RANBP17: variants seen among roughly 807,000 people sequenced by gnomAD.
The protein encoded by RANBP17 is ran-binding protein 17.
RANBP17 carries 158 observed loss-of-function variants against 141.2 expected under a neutral mutation model. The ratio of observed to expected loss-of-function variants is 1.12; its 90% CI spans 0.98 to 1.28. The LOEUF is 1.28. Ranked by LOEUF, RANBP17 falls within the 50% of genes most tolerant of loss-of-function variation. The pLI, the probability that RANBP17 is intolerant of heterozygous loss-of-function variation, is 0.00. For missense variants in RANBP17, 1,438 were observed against 1,290.7 expected, an observed-to-expected ratio of 1.11 and a Z score of -1.75; for synonymous variants, 430 against 450.0, an observed-to-expected ratio of 0.96 and a Z score of 0.56.
intron 14 of RANBP17, among the ~76,000 whole-genome samples, chr5:171,154,098 GTTTT>G (rs70982325): frequency 2.3e-5 from 3 of 130,264 alleles, no homozygotes; most frequent in Non-Finnish European, 3.2e-5. Flanking sequence ...GTTCACTTTA[GTTTT>G]TTTTTTTTTT....
chr5:171,127,985 C>T (rs531087623), intron 14 of RANBP17, among the ~76,000 whole-genome samples: 28 of 152,168 alleles, frequency 1.8e-4, no homozygotes, highest in Middle Eastern at 3.4e-3. Context: ...GGTGAAACCC[C>T]GTCTCTACTA....
At chr5:171,082,633 G>A (rs1785328192) in intron 14 of RANBP17, among the ~76,000 whole-genome samples, 1 of 152,112 alleles carries the variant, frequency 6.6e-6, no homozygotes, top group Non-Finnish European at 1.5e-5. Flanking sequence ...CACATAAATT[G>A]GAAGGTCACA....
At chr5:171,220,253 C>G (rs1226432701) in intron 21 of RANBP17, among the ~76,000 whole-genome samples, 1 of 151,880 alleles carries the variant, frequency 6.6e-6, no homozygotes, top group Non-Finnish European at 1.5e-5. Context: ...CCTAATCTTT[C>G]CTCTGGGAAG....
chr5:171,290,294 G>A (rs1003728365), intron 25 of RANBP17, among the ~76,000 whole-genome samples: 5 of 151,974 alleles, frequency 3.3e-5, no homozygotes, highest in Non-Finnish European at 5.9e-5. Context: ...ACTTGAACCC[G>A]GGAGGCGGAG....
intron 14 of RANBP17, among the ~76,000 whole-genome samples, chr5:171,159,504 G>A (rs1394977727): frequency 1.3e-5 from 2 of 152,156 alleles, no homozygotes; most frequent in Non-Finnish European, 2.9e-5. Flanking sequence ...ATTTCTGAAA[G>A]GTAGCCCCTT....
chr5:170,998,740 T>C (rs868496500), intron 14 of RANBP17, among the ~76,000 whole-genome samples: 1 of 152,192 alleles, frequency 6.6e-6, no homozygotes, highest in South Asian at 2.1e-4. Context: ...ATGGTTTTAA[T>C]TACAAAATAC....
intron 1 of RANBP17, among the ~76,000 whole-genome samples, chr5:170,872,408 T>G (rs1581017728): frequency 6.6e-6 from 1 of 152,330 alleles, no homozygotes; most frequent in South Asian, 2.1e-4. Flanking sequence ...TAAGGAGTTT[T>G]TGGGCTGAGA....
chr5:170,874,858 G>A (rs751277682), intron 1 of RANBP17, among the ~76,000 whole-genome samples: 61 of 152,078 alleles, frequency 4.0e-4, no homozygotes, highest in Non-Finnish European at 5.4e-4. Context: ...GTGTGAATTT[G>A]ATCCTGTCAT....
chr5:171,069,585 C>G (rs1425904903), intron 14 of RANBP17, among the ~76,000 whole-genome samples: 1 of 152,092 alleles, frequency 6.6e-6, no homozygotes, highest in Non-Finnish European at 1.5e-5. Context: ...ACTTAGTATC[C>G]ACATTCTGTT....
Position 170,909,881 on chromosome 5 carries a change from A to G in RANBP17, c.594+116A>G, listed in dbSNP as rs940960656. The G allele has an allele frequency of 1.4e-5, 9 of 643,758 alleles. No homozygotes were observed. The African/African-American group carries it at 1.5e-4, about 11-fold the overall frequency. 39.9% of individuals were successfully genotyped at this position (643,758 alleles called of 1,614,324 possible). Reference sequence around the variant, plus strand: ...TTTGCCTTTTAAAGAATTATTGTGGACAGACTTAAGTATAGTAAATTTGCA... The same window carrying G: ...TTTGCCTTTTAAAGAATTATTGTGGGCAGACTTAAGTATAGTAAATTTGCA... On this transcript the variant is annotated intron_variant, in intron 6 of 27. Coordinates refer to ENST00000523189, the MANE Select transcript of RANBP17 (RefSeq NM_022897.5).
intron 14 of RANBP17, among the ~76,000 whole-genome samples, chr5:171,063,600 GGGGGTCA>G (rs1368625346): frequency 1.3e-5 from 2 of 152,212 alleles, no homozygotes; most frequent in African/African-American, 2.4e-5. Context: ...TAGGCTGCTC[GGGGGTCA>G]GGGGTCAGGG....
chr5:171,001,472 G>A (rs1779197385), intron 14 of RANBP17, among the ~76,000 whole-genome samples: 1 of 152,126 alleles, frequency 6.6e-6, no homozygotes, highest in Admixed American at 6.5e-5. Context: ...CCAAGTTTTT[G>A]GGGTACACTT....
rs1405036018 is a variant in RANBP17 at position 170,976,980 on chromosome 5, GAA to G, written c.1710+8607_1710+8608del. Reference sequence around the variant, plus strand: ...GACATCAAAAGCTCAAGCAGCTAAAGAAAAAGATACATTGGACTTCATCATTT... The same window carrying G: ...GACATCAAAAGCTCAAGCAGCTAAAGAAAGATACATTGGACTTCATCATTT... On this transcript the variant is annotated intron_variant, in intron 14 of 27. Coordinates refer to ENST00000523189, the MANE Select transcript of RANBP17 (RefSeq NM_022897.5). Among the ~76,000 whole-genome samples, 4 of 152,128 alleles carry G rather than the reference GAA, an allele frequency of 2.6e-5. No individual in the cohort carries two copies. The East Asian group carries it at 7.7e-4, about 29-fold the overall frequency.
At chr5:170,970,777 T>G (rs1249835407) in intron 14 of RANBP17, 1 of 152,164 alleles carries the variant, frequency 6.6e-6, no homozygotes, top group East Asian at 1.9e-4. Flanking sequence ...TAGTATCCCC[T>G]TTTTAACTCT....
chr5:171,136,732 C>A (rs1468661201), intron 14 of RANBP17, among the ~76,000 whole-genome samples: 2 of 152,122 alleles, frequency 1.3e-5, no homozygotes, highest in Non-Finnish European at 2.9e-5. Context: ...TAGCTTAGGT[C>A]TTTTCTAGCT....
chr5:170,928,275 A>G (rs1055458970), intron 12 of RANBP17, among the ~76,000 whole-genome samples: 18 of 151,990 alleles, frequency 1.2e-4, no homozygotes, highest in Admixed American at 1.1e-3. Context: ...TTTTTCACAT[A>G]TATGTTTTAC....
intron 14 of RANBP17, among the ~76,000 whole-genome samples, chr5:170,971,794 G>A (rs1008123425): frequency 3.3e-5 from 5 of 151,874 alleles, no homozygotes; most frequent in Admixed American, 2.6e-4. Flanking sequence ...ATTTCCTATG[G>A]AATTTCAAAA....
chr5:170,972,376 G>A (rs1286379091), intron 14 of RANBP17, among the ~76,000 whole-genome samples: 1 of 151,860 alleles, frequency 6.6e-6, no homozygotes, highest in Non-Finnish European at 1.5e-5. Flanking sequence ...TAGAGACGAG[G>A]TTTCACCATG....
intron 14 of RANBP17, among the ~76,000 whole-genome samples, chr5:171,079,476 C>T (rs947294265): frequency 1.3e-5 from 2 of 152,194 alleles, no homozygotes; most frequent in African/African-American, 2.4e-5. Flanking sequence ...TGCTATCAAA[C>T]AGCATTGTAT....
Sources: allele counts gnomAD v4.1 joint callset (sites outside exome capture counted in the v4.1 genomes callset), GRCh38; gene constraint gnomAD v4.1.1; transcripts MANE v1.5; gene names NCBI Gene and HGNC (gene_info 2026-07-23, HGNC 2026-07-21).